The following MLLT3 variants were observed in gnomAD, a reference collection of about 807,000 sequenced individuals.
The protein encoded by MLLT3 is MLLT3 super elongation complex subunit, also known as protein AF-9.
A neutral mutation model predicts 53.2 loss-of-function variants in MLLT3; 4 were observed. The ratio of observed to expected loss-of-function variants is 0.08; its 90% CI spans 0.04 to 0.17. The LOEUF is 0.17. MLLT3 is among the 10% of genes least tolerant of loss of function. MLLT3 has a pLI of 1.00. For synonymous variants in MLLT3, 283 were observed against 230.6 expected (o/e 1.23, Z -2.06); for missense variants, 569 against 684.0 (o/e 0.83, Z 1.87).
intron 2 of MLLT3, among the ~76,000 whole-genome samples, chr9:20,501,601 A>G (rs1029746821): frequency 6.6e-6 from 1 of 151,020 alleles, no homozygotes; most frequent in African/African-American, 2.4e-5. Flanking sequence ...AATACAAAAA[A>G]TTAGCCGGGC....
intron 4 of MLLT3, among the ~76,000 whole-genome samples, chr9:20,436,240 AG>A (rs1207741936): frequency 6.6e-6 from 1 of 152,220 alleles, no homozygotes; most frequent in Non-Finnish European, 1.5e-5. Context: ...ACTGAGTAAA[AG>A]AAAAACTCCA....
At chr9:20,387,363 G>C (rs1365492859) in intron 5 of MLLT3, among the ~76,000 whole-genome samples, 3 of 152,232 alleles carry the variant, frequency 2.0e-5, no homozygotes, top group Non-Finnish European at 4.4e-5. Flanking sequence ...CACACTTAAA[G>C]ATGTTAGGGA....
chr9:20,444,238 T>C (rs1426011338), intron 4 of MLLT3, among the ~76,000 whole-genome samples: 1 of 152,180 alleles, frequency 6.6e-6, no homozygotes, highest in African/African-American at 2.4e-5. Flanking sequence ...GAGCACAATT[T>C]GAGAATCACT....
At chr9:20,461,700 G>GT (rs1563974773) in intron 2 of MLLT3, among the ~76,000 whole-genome samples, 1 of 152,098 alleles carries the variant, frequency 6.6e-6, no homozygotes, top group African/African-American at 2.4e-5. Context: ...TTAGGCAACA[G>GT]TTTTTTCCCG....
At chr9:20,558,228 C>T (rs1272128029) in intron 2 of MLLT3, among the ~76,000 whole-genome samples, 1 of 152,188 alleles carries the variant, frequency 6.6e-6, no homozygotes, top group Non-Finnish European at 1.5e-5. Context: ...AAGAATGTTT[C>T]TTTTTAACAA....
At position 20,440,240 on chromosome 9, in the gene MLLT3, T is replaced by C. The variant is rs369061566; in HGVS notation, c.420+7883A>G. Among the ~76,000 whole-genome samples, 9 of 152,200 alleles carry C rather than the reference T, an allele frequency of 5.9e-5. No homozygotes were observed. The East Asian group carries it at 1.2e-3, about 19-fold the overall frequency. On this transcript the variant is annotated intron_variant, in intron 4 of 10. Transcript: ENST00000380338. ...CTACAATTGAATTTGTGCCTTCAGA[T>C]ATCAAATCAAACATTCTTTCTGTTA...
chr9:20,605,994 T>A (rs1820554139), intron 2 of MLLT3, among the ~76,000 whole-genome samples: 1 of 152,108 alleles, frequency 6.6e-6, no homozygotes, highest in African/African-American at 2.4e-5. Flanking sequence ...AAAAAGTAAC[T>A]CCCAAATGCT....
chr9:20,529,179 T>A (rs567286484), intron 2 of MLLT3, among the ~76,000 whole-genome samples: 8 of 152,216 alleles, frequency 5.3e-5, no homozygotes, highest in Non-Finnish European at 1.0e-4. Context: ...TTTGGTTGGA[T>A]TTTTTTTATT....
rs772025765 is a variant in MLLT3, at chr9:20,413,909, C to A, written c.937G>T (p.Ala313Ser). ...SEALFKSFSS[A>S]PPLILTCSAD... ...GAACAAGTGAGTATCAGTGGTGGTG[C>A]GCTAGAAAAACTTTTAAATAAAGCC... is the stretch of plus-strand genomic sequence containing the variant. Residue 313 changes from alanine (A) to serine (S), a missense_variant, in exon 5 of 11, where the codon GCA becomes TCA. Transcript: ENST00000380338. The A allele has an allele frequency of 1.9e-6, 3 of 1,613,456 alleles. No homozygotes were observed. The highest frequency in any genetic ancestry group is 2.5e-6 in the Non-Finnish European group (3 of 1,179,878).
At chr9:20,504,463 A>T (rs1825333770) in intron 2 of MLLT3, among the ~76,000 whole-genome samples, 1 of 152,096 alleles carries the variant, frequency 6.6e-6, no homozygotes, top group Admixed American at 6.6e-5. Context: ...TGAACCTGGA[A>T]GACATTATGT....
intron 2 of MLLT3, among the ~76,000 whole-genome samples, chr9:20,471,887 A>G (rs1824403600): frequency 6.6e-6 from 1 of 150,586 alleles, no homozygotes. Context: ...ATACACTTTT[A>G]CCACCAACAC....
At position 20,448,481 on chromosome 9, in the gene MLLT3, T is replaced by C. The variant is rs964797046; in HGVS notation, c.277-215A>G. ...AATTAGTTTCTTGTGTTAGGGGAAA[T>C]GAAATAAGAAAAACTTCTCTTCTTC... On this transcript the variant is annotated intron_variant, in intron 3 of 10. Coordinates refer to ENST00000380338, the MANE Select transcript of MLLT3 (RefSeq NM_004529.4). The surrounding 1 kb of genome is among the most constrained non-coding windows in gnomAD (Gnocchi z 4.0). Among the ~76,000 whole-genome samples, 7 of 151,902 alleles carry C rather than the reference T, an allele frequency of 4.6e-5. No individual in the cohort carries two copies. The highest frequency in any genetic ancestry group is 1.7e-4 in the African/African-American group (7 of 41,378).
At position 20,448,402 on chromosome 9, in the gene MLLT3, G is replaced by GAA; in HGVS notation, c.277-138_277-137dup. 6 of 569,452 alleles carry GAA rather than the reference G, an allele frequency of 1.1e-5. No homozygotes were observed. Among genetic ancestry groups the GAA allele is most frequent in the South Asian group, 9.6e-5 (3 of 31,276 alleles). 35.3% of individuals were successfully genotyped at this position (569,452 alleles called of 1,614,324 possible). A position where few individuals can be genotyped will look rare whatever the true frequency, so the allele number is the denominator to read the frequency against. ...AGCTAAACTGTCAAAGTAGTACTGG[G>GAA]AAAAAAAAAAGTATCATGGAATCAT... is the stretch of plus-strand genomic sequence containing the variant. On this transcript the variant is annotated intron_variant, in intron 3 of 10. Transcript: ENST00000380338. The surrounding 1 kb of genome is among the most constrained non-coding windows in gnomAD (Gnocchi z 4.0).
At chr9:20,554,999 T>A (rs991176045) in intron 2 of MLLT3, among the ~76,000 whole-genome samples, 28 of 152,370 alleles carry the variant, frequency 1.8e-4, no homozygotes, top group African/African-American at 6.5e-4. Flanking sequence ...TTAATTTTAA[T>A]TATTCCTTTC....
intron 2 of MLLT3, among the ~76,000 whole-genome samples, chr9:20,485,050 G>C (rs552952625): frequency 4.0e-5 from 6 of 151,224 alleles, no homozygotes; most frequent in Non-Finnish European, 8.8e-5. Context: ...GTGCAGTGGC[G>C]CAATCTTGGC....
At chr9:20,363,093 T>G (rs1821366016) in intron 7 of MLLT3, 1 of 162,264 alleles carries the variant, frequency 6.2e-6, no homozygotes, top group African/African-American at 2.4e-5. Context: ...GAGCCAATTA[T>G]GTATTTCTAA....
chr9:20,516,488 T>C (rs1314244378), intron 2 of MLLT3, among the ~76,000 whole-genome samples: 1 of 152,258 alleles, frequency 6.6e-6, no homozygotes, highest in Non-Finnish European at 1.5e-5. Context: ...CCTCATTTTC[T>C]ATGTCTCAGG....
At chr9:20,507,754 A>G (rs1352841273) in intron 2 of MLLT3, among the ~76,000 whole-genome samples, 4 of 151,602 alleles carry the variant, frequency 2.6e-5, no homozygotes, top group African/African-American at 9.7e-5. Flanking sequence ...AAAAAAAAAA[A>G]AAAAACAAAT....
intron 2 of MLLT3, among the ~76,000 whole-genome samples, chr9:20,477,653 C>G (rs1375155983): frequency 6.6e-6 from 1 of 152,146 alleles, no homozygotes; most frequent in Non-Finnish European, 1.5e-5. Context: ...CAACTTCTCC[C>G]TGGGACTTAG....
Sources: allele counts gnomAD v4.1 joint callset (sites outside exome capture counted in the v4.1 genomes callset), GRCh38; gene constraint gnomAD v4.1.1; non-coding constraint Gnocchi (gnomAD v3.1); transcripts MANE v1.5; gene names NCBI Gene and HGNC (gene_info 2026-07-23, HGNC 2026-07-21).